Variants in PIP4K2A observed in about 807,000 individuals in gnomAD.
PIP4K2A encodes the protein phosphatidylinositol-5-phosphate 4-kinase type 2 alpha, also known as phosphatidylinositol 5-phosphate 4-kinase type-2 alpha.
A neutral mutation model predicts 42.9 loss-of-function variants in PIP4K2A; 14 were observed. The ratio of observed to expected loss-of-function variants is 0.33; its 90% confidence interval spans 0.22 to 0.51. PIP4K2A has a LOEUF of 0.51. Ranked by LOEUF, PIP4K2A falls within the 20% of genes least tolerant of loss-of-function variation. The pLI is 0.97. For missense variants in PIP4K2A, 434 were observed against 519.8 expected (o/e 0.83, Z 1.61); for synonymous variants, 192 against 192.2 (o/e 1.00, Z 0.01).
chr10:22,560,145 C>T (rs1010368990), intron 6 of PIP4K2A, among the ~76,000 whole-genome samples: 3 of 152,182 alleles, frequency 2.0e-5, no homozygotes, highest in Non-Finnish European at 4.4e-5. Context: ...TGATTCCCTT[C>T]TATCTCGGAA....
At chr10:22,557,399 G>A (rs866052719) in intron 6 of PIP4K2A, among the ~76,000 whole-genome samples, 3 of 152,284 alleles carry the variant, frequency 2.0e-5, no homozygotes, top group Non-Finnish European at 2.9e-5. Flanking sequence ...AAGAACTTTT[G>A]CAGAATCTCT....
intron 4 of PIP4K2A, 29 bp from the exon 5 acceptor site, chr10:22,573,486 A>G (rs765681053): frequency 2.5e-5 from 40 of 1,588,426 alleles, no homozygotes; most frequent in Admixed American, 1.6e-4. Flanking sequence ...AAAAGGAAAA[A>G]AACATCCAAT....
intron 1 of PIP4K2A, among the ~76,000 whole-genome samples, chr10:22,647,584 T>C (rs1374942375): frequency 6.6e-6 from 1 of 152,126 alleles, no homozygotes; most frequent in Non-Finnish European, 1.5e-5. Flanking sequence ...AGTAACTCAA[T>C]CTGCATTCAA....
intron 6 of PIP4K2A, among the ~76,000 whole-genome samples, chr10:22,564,894 A>G (rs1268056910): frequency 6.6e-6 from 1 of 152,040 alleles, no homozygotes; most frequent in Non-Finnish European, 1.5e-5. Flanking sequence ...TTCTTACCCT[A>G]CCTGGCCTCA....
intron 1 of PIP4K2A, among the ~76,000 whole-genome samples, chr10:22,689,440 T>C (rs540042363): frequency 1.5e-4 from 23 of 152,320 alleles, no homozygotes; most frequent in Admixed American, 1.2e-3. Flanking sequence ...ATACTGAACA[T>C]GTACAGACTT....
At chr10:22,697,289 G>A (rs967672687) in intron 1 of PIP4K2A, among the ~76,000 whole-genome samples, 2 of 152,184 alleles carry the variant, frequency 1.3e-5, no homozygotes, top group Non-Finnish European at 2.9e-5. Flanking sequence ...GCCAGGCTTC[G>A]GAATGTTTGT....
intron 1 of PIP4K2A, among the ~76,000 whole-genome samples, chr10:22,658,164 G>T (rs1024322017): frequency 6.6e-6 from 1 of 152,158 alleles, no homozygotes. Context: ...AGAATTTCAA[G>T]GTTTGCTCTA....
chr10:22,547,826 AG>A (rs1364521747), intron 7 of PIP4K2A, among the ~76,000 whole-genome samples: 1 of 152,212 alleles, frequency 6.6e-6, no homozygotes, highest in African/African-American at 2.4e-5. Context: ...GTGCAGAAAA[AG>A]ACTCACCTGT....
chr10:22,595,469 G>A (rs1837613396), intron 3 of PIP4K2A, among the ~76,000 whole-genome samples: 3 of 152,294 alleles, frequency 2.0e-5, no homozygotes, highest in Admixed American at 2.0e-4. Flanking sequence ...GCAGACATGT[G>A]TTTTTAAAGG....
intron 1 of PIP4K2A, among the ~76,000 whole-genome samples, chr10:22,613,291 G>A (rs1183529230): frequency 2.0e-5 from 3 of 152,162 alleles, no homozygotes; most frequent in African/African-American, 7.2e-5. Flanking sequence ...GATTTCTAAG[G>A]AGCCTGGCAG....
chr10:22,627,588 T>TAAAAAAAAAAAAAAAAA (rs1564448260), intron 1 of PIP4K2A, among the ~76,000 whole-genome samples: 9 of 38,952 alleles, frequency 2.3e-4, no homozygotes, highest in African/African-American at 2.9e-4. Flanking sequence ...AGCTAATATG[T>TAAAAAAAAAAAAAAAAA]AATAAAAAAA....
chr10:22,710,764 C>T (rs1003364660), intron 1 of PIP4K2A, among the ~76,000 whole-genome samples: 13 of 152,180 alleles, frequency 8.5e-5, no homozygotes, highest in Admixed American at 8.5e-4. Flanking sequence ...CCTCTAACAT[C>T]AATACTTAGC....
At chr10:22,694,150 C>G (rs1368066733) in intron 1 of PIP4K2A, 1 of 152,148 alleles carries the variant, frequency 6.6e-6, no homozygotes. Context: ...CAAGGGGTTA[C>G]TGTACCTGAA....
At chr10:22,692,433 G>A (rs1839891849) in intron 1 of PIP4K2A, among the ~76,000 whole-genome samples, 2 of 152,056 alleles carry the variant, frequency 1.3e-5, no homozygotes, top group Non-Finnish European at 2.9e-5. Flanking sequence ...GTCCATCTGT[G>A]GAGTAGGGGT....
At chr10:22,692,166 G>C (rs1470655714) in intron 1 of PIP4K2A, among the ~76,000 whole-genome samples, 4 of 151,942 alleles carry the variant, frequency 2.6e-5, no homozygotes, top group Non-Finnish European at 5.9e-5. Flanking sequence ...TGGGGGTGAT[G>C]GGAGACAGTG....
rs768661415 is a variant in PIP4K2A, at chr10:22,535,877, T to G, written c.*1324A>C. 4.4e-5 allele frequency: 14 copies of G among 318,356 alleles called. No individual in the cohort carries two copies. Among genetic ancestry groups the G allele is most frequent in the Non-Finnish European group, 7.3e-5 (14 of 191,316 alleles). The allele number at this position is 318,356 out of a possible 1,614,324, so 19.7% of individuals were successfully genotyped here. On this transcript the variant is annotated 3_prime_UTR_variant, in exon 10 of 10. Transcript: ENST00000376573. ...AAAAATCAATCATTAGGTTGATAAA[T>G]GTACATTTGGAGGAAAAAAAAATCC...
In PIP4K2A at chr10:22,540,359, G is replaced by A. The variant is rs112280449; in HGVS notation, c.1037-285C>T. 6.6e-5 allele frequency among the ~76,000 whole-genome samples: 10 copies of A among 151,260 alleles called. 1 individual carries two copies. Among genetic ancestry groups the A allele is most frequent in the South Asian group, 2.1e-4 (1 of 4,816 alleles). ...AACAGTGGAGATCCAACGGTGGAACGGAGTCTTTTTTTTTTTTTAATTTGC... is the reference window on the plus strand; with the variant it reads ...AACAGTGGAGATCCAACGGTGGAACAGAGTCTTTTTTTTTTTTTAATTTGC... On this transcript the variant is annotated intron_variant, in intron 8 of 9. Transcript: ENST00000376573.
At chr10:22,549,031 C>T (rs1836328242) in intron 7 of PIP4K2A, among the ~76,000 whole-genome samples, 2 of 152,204 alleles carry the variant, frequency 1.3e-5, no homozygotes, top group South Asian at 2.1e-4. Flanking sequence ...CTAGCCAACA[C>T]AGCAAGACTG....
intron 1 of PIP4K2A, among the ~76,000 whole-genome samples, chr10:22,657,945 C>T (rs17526135): frequency 0.085 from 12,860 of 151,850 alleles, 699 homozygotes; most frequent in Middle Eastern, 0.21. Context: ...TTTAGCTGGA[C>T]GTAGAAAGTG....
Sources: gnomAD v4.1 joint callset for allele counts (sites outside exome capture counted in the v4.1 genomes callset) on GRCh38, gnomAD v4.1.1 for gene constraint, MANE v1.5 for transcripts, NCBI Gene and HGNC (gene_info 2026-07-23, HGNC 2026-07-21) for gene names.